Variants in SAMD4A observed in about 807,000 individuals in gnomAD.
The protein encoded by SAMD4A is sterile alpha motif domain containing 4A, also known as protein Smaug homolog 1.
SAMD4A carries 33 observed loss-of-function variants against 81.3 expected under a neutral mutation model. The observed-to-expected ratio is 0.41, with a 90% confidence interval of 0.31 to 0.54. The LOEUF (loss-of-function observed/expected upper bound fraction) is 0.54. Among genes scored for constraint, SAMD4A ranks in the 20% least tolerant of loss-of-function variants. The pLI is 0.37. For synonymous variants in SAMD4A, 389 were observed against 382.1 expected (o/e 1.02, Z -0.21); for missense variants, 854 against 951.1 (o/e 0.90, Z 1.34).
chr14:54,633,265 A>C (rs2034947644), intron 2 of SAMD4A, among the ~76,000 whole-genome samples: 1 of 152,216 alleles, frequency 6.6e-6, no homozygotes, highest in Admixed American at 6.5e-5. Context: ...ATCTGGGATC[A>C]CAACAGCTGG....
intron 2 of SAMD4A, among the ~76,000 whole-genome samples, chr14:54,651,821 A>G (rs2035410150): frequency 1.3e-5 from 2 of 152,178 alleles, no homozygotes; most frequent in South Asian, 2.1e-4. Context: ...TGGAAGGGCC[A>G]TTGTTGTTTC....
intron 2 of SAMD4A, among the ~76,000 whole-genome samples, chr14:54,614,332 T>C (rs1460433661): frequency 2.6e-5 from 4 of 152,192 alleles, no homozygotes; most frequent in Admixed American, 2.0e-4. Flanking sequence ...TGTAATATGG[T>C]TCATCTCAGT....
At chr14:54,784,260 G>C in intron 11 of SAMD4A, 2 of 1,140,082 alleles carry the variant, frequency 1.8e-6, no homozygotes, top group Non-Finnish European at 2.6e-6. Flanking sequence ...TACTTTGATG[G>C]GAGGCCGCTG....
chr14:54,702,627 C>T (rs749012156), intron 3 of SAMD4A, 47 bp downstream of exon 3: 7 of 1,591,168 alleles, frequency 4.4e-6, no homozygotes. Context: ...TGGCGATTTG[C>T]TGTGTATGTG....
chr14:54,639,297 A>G (rs192433781), intron 2 of SAMD4A, among the ~76,000 whole-genome samples: 15 of 152,304 alleles, frequency 9.8e-5, no homozygotes, highest in Admixed American at 3.9e-4. Flanking sequence ...TGTTGTTACA[A>G]TCTCCTCTAG....
intron 4 of SAMD4A, among the ~76,000 whole-genome samples, chr14:54,741,731 A>T (rs573839093): frequency 1.4e-4 from 22 of 152,332 alleles, no homozygotes; most frequent in African/African-American, 5.3e-4. Context: ...AAGTTCCTAG[A>T]GGAGGAGAGG....
intron 2 of SAMD4A, among the ~76,000 whole-genome samples, chr14:54,670,468 G>A (rs987875012): frequency 4.6e-5 from 7 of 152,168 alleles, no homozygotes; most frequent in East Asian, 1.9e-4. Context: ...TGTAGAGGAC[G>A]GAGCCAGACG....
intron 2 of SAMD4A, among the ~76,000 whole-genome samples, chr14:54,626,909 A>C (rs2034777491): frequency 6.6e-6 from 1 of 152,234 alleles, no homozygotes; most frequent in Admixed American, 6.5e-5. Context: ...CAGGGAAGTT[A>C]AATAGTTTGT....
intron 3 of SAMD4A, among the ~76,000 whole-genome samples, chr14:54,723,725 G>A (rs1387065660): frequency 8.3e-6 from 1 of 120,928 alleles, no homozygotes; most frequent in Non-Finnish European, 1.8e-5. Context: ...AGAAAATACT[G>A]TTTGCATCTG....
intron 12 of SAMD4A, among the ~76,000 whole-genome samples, chr14:54,788,656 C>T (rs1366016946): frequency 1.3e-5 from 2 of 152,234 alleles, no homozygotes; most frequent in African/African-American, 2.4e-5. Context: ...ATGTCTGTGT[C>T]TACCCTCAAA....
At chr14:54,597,394 C>T (rs1326589256) in intron 2 of SAMD4A, among the ~76,000 whole-genome samples, 1 of 151,828 alleles carries the variant, frequency 6.6e-6, no homozygotes, top group South Asian at 2.1e-4. Context: ...CTTGCCTCAG[C>T]CTCCTGAGTA....
intron 2 of SAMD4A, among the ~76,000 whole-genome samples, chr14:54,570,215 T>G (rs923546104): frequency 6.6e-6 from 1 of 152,208 alleles, no homozygotes; most frequent in African/African-American, 2.4e-5. Flanking sequence ...TAGGAGGTCA[T>G]GTGATGATTT....
At position 54,764,501 on chromosome 14, in the gene SAMD4A, T is replaced by C; in HGVS notation, c.1557T>C (p.Ser519=). The part of the protein sequence containing the change: ...LVSRPDEENI[S]SYLQLIDKCL... The stretch of plus-strand genomic sequence containing the variant: ...CCAGACCTGATGAGGAAAATATAAG[T>C]TCCTATTTACAGCTCATAGACAAGT... The change falls in exon 8 of 13, where the codon AGT becomes AGC. Residue 519 remains serine, a synonymous_variant. Transcript: ENST00000554335. The C allele has an allele frequency of 1.2e-6, 2 of 1,612,996 alleles. No individual in the cohort carries two copies. The highest frequency in any genetic ancestry group is 1.7e-6 in the Non-Finnish European group (2 of 1,179,238).
At chr14:54,628,272 G>A (rs1175690594) in intron 2 of SAMD4A, among the ~76,000 whole-genome samples, 1 of 152,080 alleles carries the variant, frequency 6.6e-6, no homozygotes, top group Non-Finnish European at 1.5e-5. Context: ...GTCCCTTCCT[G>A]GGGCTGCATG....
At chr14:54,780,273 A>G (rs909082320) in intron 11 of SAMD4A, among the ~76,000 whole-genome samples, 6 of 152,148 alleles carry the variant, frequency 3.9e-5, no homozygotes, top group Non-Finnish European at 5.9e-5. Context: ...GTGGCACCTC[A>G]CATGGCAGCA....
chr14:54,700,621 G>A (rs759439153), intron 2 of SAMD4A, among the ~76,000 whole-genome samples: 3 of 152,200 alleles, frequency 2.0e-5, no homozygotes, highest in Non-Finnish European at 4.4e-5. Context: ...TCCAGCCCTA[G>A]CCCTTGTAGG....
intron 3 of SAMD4A, among the ~76,000 whole-genome samples, chr14:54,708,222 C>T (rs2036905761): frequency 2.0e-5 from 3 of 152,176 alleles, no homozygotes; most frequent in Admixed American, 2.0e-4. Context: ...GATTTCCTGA[C>T]AGAATAAATG....
intron 3 of SAMD4A, among the ~76,000 whole-genome samples, chr14:54,727,532 A>G (rs1484540732): frequency 1.3e-5 from 2 of 152,182 alleles, no homozygotes; most frequent in South Asian, 4.2e-4. Context: ...AGAAAGCACA[A>G]CAATGTGAAA....
intron 2 of SAMD4A, among the ~76,000 whole-genome samples, chr14:54,662,581 T>G (rs533745132): frequency 6.6e-6 from 1 of 151,990 alleles, no homozygotes; most frequent in East Asian, 1.9e-4. Context: ...GGGTAACTTT[T>G]GTATTTTTTT....
Sources: gnomAD v4.1 joint callset for allele counts (sites outside exome capture counted in the v4.1 genomes callset) on GRCh38, gnomAD v4.1.1 for gene constraint, MANE v1.5 for transcripts, NCBI Gene and HGNC (gene_info 2026-07-23, HGNC 2026-07-21) for gene names.